The following NRG3 variants were observed in gnomAD, a reference collection of about 807,000 sequenced individuals.
NRG3 encodes the protein neuregulin 3.
In NRG3, 31 loss-of-function variants were observed where a neutral mutation model predicts 66.9. The observed-to-expected ratio is 0.46, with a 90% CI of 0.35 to 0.63. NRG3 has a LOEUF of 0.63. Ranked by LOEUF, NRG3 falls within the 20% of genes least tolerant of loss-of-function variation. The pLI, the probability that NRG3 is intolerant of heterozygous loss-of-function variation, is 0.00. For missense variants in NRG3, 910 were observed against 878.9 expected (o/e 1.04, Z -0.45); for synonymous variants, 393 against 359.4 (o/e 1.09, Z -1.06).
At chr10:82,256,992 A>G (rs1564718689) in intron 1 of NRG3, among the ~76,000 whole-genome samples, 1 of 152,226 alleles carries the variant, frequency 6.6e-6, no homozygotes, top group Admixed American at 6.5e-5. Context: ...GACAATGTGT[A>G]GACGACAGGG....
intron 2 of NRG3, among the ~76,000 whole-genome samples, chr10:82,393,745 C>T (rs1285882725): frequency 2.6e-5 from 4 of 152,216 alleles, no homozygotes; most frequent in East Asian, 1.9e-4. Context: ...CTGCTCCTGG[C>T]GTAGATGTGG....
At chr10:82,220,023 A>G (rs2075861681) in intron 1 of NRG3, among the ~76,000 whole-genome samples, 2 of 152,046 alleles carry the variant, frequency 1.3e-5, no homozygotes, top group South Asian at 4.1e-4. Flanking sequence ...CAAGAAAATC[A>G]CAAATACCAA....
chr10:82,958,072 C>T (rs1382402428), intron 5 of NRG3, among the ~76,000 whole-genome samples: 1 of 152,188 alleles, frequency 6.6e-6, no homozygotes, highest in African/African-American at 2.4e-5. Flanking sequence ...CATGTGCACA[C>T]AGGAGCACTT....
chr10:82,095,584 AT>A (rs1273991200), intron 1 of NRG3, among the ~76,000 whole-genome samples: 1 of 152,192 alleles, frequency 6.6e-6, no homozygotes, highest in East Asian at 1.9e-4. Flanking sequence ...TCTCACCGAT[AT>A]TCCCAAATCT....
chr10:82,353,108 A>G (rs1253398527), intron 1 of NRG3, among the ~76,000 whole-genome samples: 1 of 152,136 alleles, frequency 6.6e-6, no homozygotes, highest in Non-Finnish European at 1.5e-5. Flanking sequence ...GGCCTGGACA[A>G]TGGGATCAGT....
chr10:82,408,145 AAAG>A (rs200404015), intron 2 of NRG3, among the ~76,000 whole-genome samples: 10 of 145,314 alleles, frequency 6.9e-5, no homozygotes, highest in East Asian at 2.0e-4. Flanking sequence ...GAAAGAAAGA[AAAG>A]AAAAAGAAAA....
At chr10:82,818,888 A>G (rs1344130157) in intron 3 of NRG3, among the ~76,000 whole-genome samples, 2 of 152,202 alleles carry the variant, frequency 1.3e-5, no homozygotes, top group African/African-American at 4.8e-5. Flanking sequence ...TTGTCCATAC[A>G]ATTTTATTTG....
intron 2 of NRG3, among the ~76,000 whole-genome samples, chr10:82,600,115 T>G (rs1299738348): frequency 6.6e-6 from 1 of 152,158 alleles, no homozygotes; most frequent in Admixed American, 6.6e-5. Flanking sequence ...AATTTTTGAC[T>G]TGTGGATGGC....
chr10:82,769,436 G>A (rs201067411), intron 3 of NRG3, among the ~76,000 whole-genome samples: 2 of 151,794 alleles, frequency 1.3e-5, no homozygotes, highest in East Asian at 1.9e-4. Context: ...TATGACTGTC[G>A]ATTTTAAATA....
intron 3 of NRG3, among the ~76,000 whole-genome samples, chr10:82,826,998 GAT>G (rs1219235611): frequency 2.0e-5 from 3 of 151,702 alleles, no homozygotes; most frequent in Non-Finnish European, 4.4e-5. Context: ...TTTCTAAATG[GAT>G]CCATTATTGT....
intron 2 of NRG3, among the ~76,000 whole-genome samples, chr10:82,401,045 C>T (rs1437073905): frequency 2.6e-5 from 4 of 152,134 alleles, no homozygotes; most frequent in African/African-American, 9.7e-5. Flanking sequence ...AATGGCAACA[C>T]ACTCTCAGAC....
chr10:82,049,712 T>C (rs551763736), intron 1 of NRG3, among the ~76,000 whole-genome samples: 203 of 152,118 alleles, frequency 1.3e-3, no homozygotes, highest in African/African-American at 4.8e-3. Context: ...CCTTGGGCAC[T>C]CTCTGCATCC....
chr10:82,535,326 T>G (rs1847708792), intron 2 of NRG3, among the ~76,000 whole-genome samples: 1 of 151,832 alleles, frequency 6.6e-6, no homozygotes, highest in Non-Finnish European at 1.5e-5. Context: ...CTGTGCTGGA[T>G]GTAGATATTA....
intron 1 of NRG3, among the ~76,000 whole-genome samples, chr10:82,326,911 A>G (rs922229519): frequency 4.0e-5 from 6 of 149,884 alleles, no homozygotes; most frequent in Non-Finnish European, 8.8e-5. Context: ...AGCTATGTCA[A>G]AAAAAGATTG....
At chr10:82,651,901 G>A (rs2051444571) in intron 2 of NRG3, among the ~76,000 whole-genome samples, 1 of 152,178 alleles carries the variant, frequency 6.6e-6, no homozygotes, top group Non-Finnish European at 1.5e-5. Flanking sequence ...ATTGAGGCAG[G>A]ATATTTCCCT....
intron 1 of NRG3, among the ~76,000 whole-genome samples, chr10:82,195,660 A>G (rs1336289): frequency 0.5 from 75,233 of 151,896 alleles, 20,650 homozygotes; most frequent in Middle Eastern, 0.66. Context: ...ATGTTATTTG[A>G]CATGGCAAGA....
chr10:82,440,444 A>T (rs1213444123), intron 2 of NRG3, among the ~76,000 whole-genome samples: 1 of 130,118 alleles, frequency 7.7e-6, no homozygotes, highest in Non-Finnish European at 1.7e-5. Flanking sequence ...CATTAATGAT[A>T]GTTTTTTACT....
At chr10:82,105,109 C>T (rs1399614933) in intron 1 of NRG3, among the ~76,000 whole-genome samples, 6 of 152,142 alleles carry the variant, frequency 3.9e-5, no homozygotes, top group East Asian at 1.9e-4. Context: ...TAATATTTCA[C>T]TAGAAAAACG....
At chr10:82,466,991 G>C (rs1590228520) in intron 2 of NRG3, among the ~76,000 whole-genome samples, 2 of 151,916 alleles carry the variant, frequency 1.3e-5, no homozygotes, top group East Asian at 3.9e-4. Context: ...TCCACAAAGA[G>C]CTTCAAGGAT....
Sources: allele counts gnomAD v4.1 joint callset (sites outside exome capture counted in the v4.1 genomes callset), GRCh38; gene constraint gnomAD v4.1.1; transcripts MANE v1.5; gene names NCBI Gene and HGNC (gene_info 2026-07-23, HGNC 2026-07-21).